PCED1B: variants seen among roughly 807,000 people sequenced by gnomAD.
PCED1B encodes the protein PC-esterase domain-containing protein 1B.
For missense variants in PCED1B, 573 were observed against 573.9 expected, an observed-to-expected ratio of 1.00 and a Z score of 0.02; for synonymous variants, 251 against 246.1, an observed-to-expected ratio of 1.02 and a Z score of -0.19.
chr12:47,101,591 G>A (rs1938708144), intron 1 of PCED1B, among the ~76,000 whole-genome samples: 1 of 152,020 alleles, frequency 6.6e-6, no homozygotes, highest in South Asian at 2.1e-4. Flanking sequence ...TTCCCATTCT[G>A]ACTATATGGA....
At chr12:47,098,159 A>G (rs552467262) in intron 1 of PCED1B, among the ~76,000 whole-genome samples, 12 of 152,286 alleles carry the variant, frequency 7.9e-5, no homozygotes, top group South Asian at 2.1e-4. Context: ...AAGTGGCCCT[A>G]TCCCCACTCC....
intron 1 of PCED1B, among the ~76,000 whole-genome samples, chr12:47,097,953 G>A (rs1938546867): frequency 6.6e-6 from 1 of 152,144 alleles, no homozygotes; most frequent in African/African-American, 2.4e-5. Context: ...ATGCTCCAAA[G>A]ACTATTCTTG....
At chr12:47,222,317 G>C (rs1371151600) in intron 3 of PCED1B, among the ~76,000 whole-genome samples, 1 of 151,020 alleles carries the variant, frequency 6.6e-6, no homozygotes. Flanking sequence ...AGCTACTTGG[G>C]AGGCTGAGGC....
intron 2 of PCED1B, among the ~76,000 whole-genome samples, chr12:47,200,828 AAT>A (rs1363003465): frequency 6.6e-6 from 1 of 152,226 alleles, no homozygotes; most frequent in Non-Finnish European, 1.5e-5. Context: ...AAAAAATAAT[AAT>A]GAGACTTAAA....
At chr12:47,190,310 G>A (rs1187711890) in intron 2 of PCED1B, among the ~76,000 whole-genome samples, 1 of 152,194 alleles carries the variant, frequency 6.6e-6, no homozygotes, top group African/African-American at 2.4e-5. Flanking sequence ...CCAGTTCTGG[G>A]CTTCAGTTTC....
rs371438719 is a variant in PCED1B at position 47,219,481 on chromosome 12, G to A, written c.-58+2792G>A. On this transcript the variant is annotated intron_variant, in intron 3 of 3. Transcript: ENST00000546455. ...ACCTGTTCATCAGTTGAAAGCACTC[G>A]TCATTATTAGCTCTCCAATCGCCCT... Among the ~76,000 whole-genome samples the A allele has an allele frequency of 8.5e-5, 13 of 152,288 alleles. No homozygotes were observed. The East Asian group carries it at 2.1e-3, about 25-fold the overall frequency.
intron 2 of PCED1B, among the ~76,000 whole-genome samples, chr12:47,178,971 TA>T (rs2137591870): frequency 6.6e-6 from 1 of 152,288 alleles, no homozygotes; most frequent in East Asian, 1.9e-4. Context: ...AAAAATGCAT[TA>T]CTATTGTTTA....
chr12:47,141,800 C>A (rs1940602907), intron 2 of PCED1B, among the ~76,000 whole-genome samples: 2 of 152,188 alleles, frequency 1.3e-5, no homozygotes, highest in African/African-American at 4.8e-5. Flanking sequence ...GAGGCAGACT[C>A]ACTGGCCTAA....
intron 1 of PCED1B, among the ~76,000 whole-genome samples, chr12:47,095,066 C>T (rs1012774863): frequency 1.3e-4 from 17 of 134,350 alleles, no homozygotes; most frequent in Admixed American, 1.2e-3. Context: ...GCCACTGTGC[C>T]CACAATTTTT....
At chr12:47,151,107 T>TTA (rs369057468) in intron 2 of PCED1B, among the ~76,000 whole-genome samples, 5 of 144,780 alleles carry the variant, frequency 3.5e-5, no homozygotes, top group Admixed American at 2.9e-4. Flanking sequence ...GGATATTATT[T>TTA]TATATATATA....
chr12:47,227,226 A>G (rs1298183341), intron 3 of PCED1B, among the ~76,000 whole-genome samples: 3 of 152,066 alleles, frequency 2.0e-5, no homozygotes, highest in African/African-American at 7.2e-5. Context: ...TGCAGCAGCA[A>G]GATGGCAAGA....
At chr12:47,152,428 C>G (rs1941028551) in intron 2 of PCED1B, among the ~76,000 whole-genome samples, 1 of 152,094 alleles carries the variant, frequency 6.6e-6, no homozygotes. Context: ...AAACATCAAA[C>G]AAACCCAAAT....
intron 1 of PCED1B, among the ~76,000 whole-genome samples, chr12:47,089,101 A>G (rs1333943754): frequency 6.6e-6 from 1 of 152,070 alleles, no homozygotes; most frequent in Non-Finnish European, 1.5e-5. Flanking sequence ...GAAACTTGAT[A>G]TTTTTGGTGT....
rs540374978 is a variant in PCED1B at position 47,213,892 on chromosome 12, A to G, written c.-525-2330A>G. ...CAACTTTATTTTAAGTTTAAAGAGT[A>G]TAAGTGTGATTATCATTTGCATTAT... On this transcript the variant is annotated intron_variant, in intron 2 of 3. Transcript: ENST00000546455. 4.6e-5 allele frequency among the ~76,000 whole-genome samples: 7 copies of G among 152,340 alleles called. No individual in the cohort carries two copies. The South Asian group carries it at 1.2e-3, about 27-fold the overall frequency.
intron 2 of PCED1B, among the ~76,000 whole-genome samples, chr12:47,199,943 A>C (rs148492434): frequency 0.012 from 1,776 of 152,322 alleles, 18 homozygotes; most frequent in Non-Finnish European, 0.02. Flanking sequence ...CAAGCCACAG[A>C]CAGGGAGAAA....
At chr12:47,184,452 G>A (rs1193069644) in intron 2 of PCED1B, among the ~76,000 whole-genome samples, 3 of 152,162 alleles carry the variant, frequency 2.0e-5, no homozygotes, top group South Asian at 2.1e-4. Flanking sequence ...ATCTGCTCTC[G>A]GTAACTGCTG....
At chr12:47,144,583 A>T (rs900272024) in intron 2 of PCED1B, among the ~76,000 whole-genome samples, 1 of 152,182 alleles carries the variant, frequency 6.6e-6, no homozygotes, top group Admixed American at 6.5e-5. Context: ...CAATTTTGTC[A>T]TCATCTGAAT....
chr12:47,154,459 G>A (rs1363459404), intron 2 of PCED1B, among the ~76,000 whole-genome samples: 6 of 152,042 alleles, frequency 3.9e-5, no homozygotes, highest in African/African-American at 1.2e-4. Flanking sequence ...CAGCCACCAC[G>A]TAGAGTCCCT....
intron 1 of PCED1B, among the ~76,000 whole-genome samples, chr12:47,087,897 T>A (rs1565738900): frequency 6.6e-6 from 1 of 152,212 alleles, no homozygotes; most frequent in Admixed American, 6.5e-5. Context: ...AAGTAGTGTC[T>A]CTCTCCTGCA....
Sources: gnomAD v4.1 joint callset for allele counts (sites outside exome capture counted in the v4.1 genomes callset) on GRCh38, gnomAD v4.1.1 for gene constraint, MANE v1.5 for transcripts, NCBI Gene and HGNC (gene_info 2026-07-23, HGNC 2026-07-21) for gene names.